The following PDZRN4 variants were observed in gnomAD, a reference collection of about 807,000 sequenced individuals.
PDZRN4 encodes the protein PDZ domain-containing RING finger protein 4.
Under a neutral mutation model 99.0 loss-of-function variants are expected in PDZRN4, and 70 were observed. That is an observed-to-expected ratio of 0.71 (90% CI 0.58 to 0.86). The LOEUF is 0.86. Ranked by LOEUF, PDZRN4 falls within the 40% of genes least tolerant of loss-of-function variation. PDZRN4 has a pLI of 0.00. For synonymous variants in PDZRN4, 551 were observed against 501.6 expected, an observed-to-expected ratio of 1.10 and a Z score of -1.32; for missense variants, 1,474 against 1,331.2, an observed-to-expected ratio of 1.11 and a Z score of -1.67.
intron 3 of PDZRN4, among the ~76,000 whole-genome samples, chr12:41,303,887 A>C (rs1951552807): frequency 6.6e-6 from 1 of 152,160 alleles, no homozygotes. Context: ...TTTATCACAG[A>C]CATGCAAGTG....
At chr12:41,480,972 G>A (rs190127975) in intron 3 of PDZRN4, among the ~76,000 whole-genome samples, 1 of 147,700 alleles carries the variant, frequency 6.8e-6, no homozygotes, top group Non-Finnish European at 1.5e-5. Context: ...TAAATTACAG[G>A]GTTTTTTTTT....
chr12:41,321,969 A>G (rs533701161), intron 3 of PDZRN4, among the ~76,000 whole-genome samples: 1 of 152,314 alleles, frequency 6.6e-6, no homozygotes, highest in East Asian at 1.9e-4. Context: ...TAGAAATTAT[A>G]TATTTAAAAC....
chr12:41,573,837 T>G lies in PDZRN4; in HGVS notation c.3058T>G (p.Ser1020Ala), dbSNP rs779773297. ...IQELMTHGAK[S>A]PDGTRVHNAF... The stretch of plus-strand genomic sequence containing the variant: ...AGAACTGATGACCCATGGGGCCAAG[T>G]CTCCAGATGGCACGAGAGTCCATAA... The change falls in exon 10 of 10, where the codon TCT (serine) becomes GCT (alanine). Residue 1020 changes from serine to alanine, a missense_variant. Transcript: ENST00000402685. 1.2e-6 allele frequency: 2 copies of G among 1,604,614 alleles called. No individual in the cohort carries two copies. The highest frequency in any genetic ancestry group is 1.7e-6 in the Non-Finnish European group (2 of 1,176,342).
chr12:41,404,426 A>T (rs982494066), intron 3 of PDZRN4, among the ~76,000 whole-genome samples: 15 of 152,180 alleles, frequency 9.9e-5, no homozygotes, highest in Admixed American at 9.8e-4. Flanking sequence ...AAGGAAATGA[A>T]ATGCCTAAGA....
At chr12:41,310,702 G>T (rs1046648257) in intron 3 of PDZRN4, among the ~76,000 whole-genome samples, 1 of 152,056 alleles carries the variant, frequency 6.6e-6, no homozygotes, top group African/African-American at 2.4e-5. Flanking sequence ...AAAAGCAAAG[G>T]CTACTTTTTT....
intron 3 of PDZRN4, among the ~76,000 whole-genome samples, chr12:41,382,523 T>C (rs1266771662): frequency 1.3e-5 from 2 of 152,198 alleles, no homozygotes; most frequent in African/African-American, 4.8e-5. Context: ...GAATCTTGAC[T>C]CTTAGGAATT....
chr12:41,223,780 G>T (rs1950974224), intron 3 of PDZRN4, among the ~76,000 whole-genome samples: 1 of 152,278 alleles, frequency 6.6e-6, no homozygotes, highest in Middle Eastern at 3.4e-3. Context: ...GGCACTGGGC[G>T]ATGGCCAGGT....
In PDZRN4 at chr12:41,514,427, A is replaced by C. The variant is rs565195066; in HGVS notation, c.1203+4514A>C. On this transcript the variant is annotated intron_variant, in intron 5 of 9. Transcript: ENST00000402685. ...ATGAATCAGGGAAATTTTCATTCAA[A>C]AAATAACAAGAGGATAATTATTAAC... is the stretch of plus-strand genomic sequence containing the variant. 2.6e-5 allele frequency among the ~76,000 whole-genome samples: 4 copies of C among 152,236 alleles called. No homozygotes were observed. The East Asian group carries it at 7.7e-4, about 29-fold the overall frequency.
intron 3 of PDZRN4, among the ~76,000 whole-genome samples, chr12:41,255,567 T>C (rs957928253): frequency 6.6e-6 from 1 of 152,228 alleles, no homozygotes; most frequent in African/African-American, 2.4e-5. Flanking sequence ...TGAGGGAACC[T>C]GTTTTTATTA....
rs760195541 is a variant in PDZRN4, at chr12:41,573,252, G to C, written c.2473G>C (p.Glu825Gln). 13 of 1,613,828 alleles carry C rather than the reference G, an allele frequency of 8.1e-6. No homozygotes were observed. Among genetic ancestry groups the C allele is most frequent in the Non-Finnish European group, 1.1e-5 (13 of 1,180,022 alleles). Residue 825 changes from glutamate to glutamine, a missense_variant, in exon 10 of 10, where the codon GAA (glutamate) becomes CAA (glutamine). Coordinates refer to ENST00000402685, the MANE Select transcript of PDZRN4 (RefSeq NM_001164595.2). The stretch of plus-strand genomic sequence containing the variant: ...TCCTGATCAAGAGAAGGCAGTCAGC[G>C]AACACATCCCTTACCTCTCTCCTTA... ...KLPDQEKAVS[E>Q]HIPYLSPYHS...
At chr12:41,269,379 G>A (rs555189823) in intron 3 of PDZRN4, among the ~76,000 whole-genome samples, 1 of 152,212 alleles carries the variant, frequency 6.6e-6, no homozygotes, top group South Asian at 2.1e-4. Context: ...TAAGCTGGAT[G>A]TTATGTATCA....
In PDZRN4 at chr12:41,572,688, A is replaced by T; in HGVS notation, c.1909A>T (p.Ile637Phe). ...FRQLLELKCK[I>F]RNHGEYDLYY... Reference sequence around the variant, plus strand: ...GCAGCTCTTGGAGCTCAAATGCAAGATTCGAAATCATGGAGAGTATGACCT... The same window carrying T: ...GCAGCTCTTGGAGCTCAAATGCAAGTTTCGAAATCATGGAGAGTATGACCT... The change falls in exon 10 of 10, where the codon ATT becomes TTT. Residue 637 changes from isoleucine to phenylalanine, a missense_variant. Physicochemically the swap from Ile to Phe is conservative, Grantham distance 21. Transcript: ENST00000402685. 5 of 1,614,184 alleles carry T rather than the reference A, an allele frequency of 3.1e-6. No homozygotes were observed. Among genetic ancestry groups the T allele is most frequent in the Non-Finnish European group, 4.2e-6 (5 of 1,180,022 alleles).
rs373510630 is a variant in PDZRN4, at chr12:41,287,423, T to A, written c.843+93235T>A. Among the ~76,000 whole-genome samples the A allele has an allele frequency of 4.6e-5, 7 of 152,356 alleles. No homozygotes were observed. In the South Asian group the frequency reaches 1.4e-3, roughly 32 times the overall value. ...ATTAAAAGTATCAATTCTACCCAAA[T>A]TAGCTTTCATTCGTTACATTTAAAC... On this transcript the variant is annotated intron_variant, in intron 3 of 9. Coordinates refer to ENST00000402685, the MANE Select transcript of PDZRN4 (RefSeq NM_001164595.2).
At chr12:41,361,986 C>A (rs1383894348) in intron 3 of PDZRN4, among the ~76,000 whole-genome samples, 1 of 152,004 alleles carries the variant, frequency 6.6e-6, no homozygotes, top group East Asian at 1.9e-4. Flanking sequence ...TTATCAGAAC[C>A]AGCTGTGTGC....
Position 41,506,657 on chromosome 12 carries a change from C to A in PDZRN4, c.1045C>A (p.Leu349Ile). The A allele has an allele frequency of 6.2e-7, 1 of 1,613,824 alleles. No homozygotes were observed. The highest frequency in any genetic ancestry group is 1.3e-5 in the African/African-American group (1 of 75,036). The change falls in exon 4 of 10, where the codon CTT (leucine) becomes ATT (isoleucine). Residue 349 changes from leucine to isoleucine, a missense_variant. Coordinates refer to ENST00000402685, the MANE Select transcript of PDZRN4 (RefSeq NM_001164595.2). ...TFEHIMALAK[L>I]RPPTPPVPDI... The stretch of plus-strand genomic sequence containing the variant: ...CGAACACATCATGGCTCTGGCCAAG[C>A]TTCGTCCACCTACCCCTCCAGTGCC...
intron 3 of PDZRN4, among the ~76,000 whole-genome samples, chr12:41,345,905 G>A (rs1951849833): frequency 6.6e-6 from 1 of 151,918 alleles, no homozygotes; most frequent in Admixed American, 6.6e-5. Context: ...AGTATTTAGA[G>A]TTCTGATAAT....
At chr12:41,192,458 TA>T (rs1193032942) in intron 2 of PDZRN4, among the ~76,000 whole-genome samples, 4 of 152,320 alleles carry the variant, frequency 2.6e-5, no homozygotes, top group Admixed American at 1.3e-4. Context: ...TTTGCTACTT[TA>T]AAAGAAGAAA....
At chr12:41,309,339 G>A (rs548121243) in intron 3 of PDZRN4, among the ~76,000 whole-genome samples, 2 of 152,170 alleles carry the variant, frequency 1.3e-5, no homozygotes, top group African/African-American at 4.8e-5. Flanking sequence ...ATCTTGTGAG[G>A]CTTTCTTGCT....
chr12:41,355,596 GT>G (rs1951922005), intron 3 of PDZRN4, among the ~76,000 whole-genome samples: 1 of 152,060 alleles, frequency 6.6e-6, no homozygotes, highest in South Asian at 2.1e-4. Flanking sequence ...TATGCATTCA[GT>G]TTTTAACAAC....
Sources: allele counts gnomAD v4.1 joint callset (sites outside exome capture counted in the v4.1 genomes callset), GRCh38; gene constraint gnomAD v4.1.1; transcripts MANE v1.5; gene names NCBI Gene and HGNC (gene_info 2026-07-23, HGNC 2026-07-21).